COQ3: variants seen among roughly 807,000 people sequenced by gnomAD.
COQ3 encodes coenzyme Q3, methyltransferase, also known as ubiquinone biosynthesis O-methyltransferase, mitochondrial.
COQ3 carries 29 observed loss-of-function variants against 33.1 expected under a neutral mutation model. That is an observed-to-expected ratio of 0.88 (90% confidence interval 0.65 to 1.19). The LOEUF (loss-of-function observed/expected upper bound fraction) is 1.19. COQ3 is among the 50% of genes most tolerant of loss of function. The probability of loss-of-function intolerance (pLI) is 0.00; values close to 1 mark genes in which losing one functional copy is unlikely to be tolerated. For missense variants in COQ3, 437 were observed against 430.7 expected, an observed-to-expected ratio of 1.01 and a Z score of -0.13; for synonymous variants, 173 against 157.8, an observed-to-expected ratio of 1.10 and a Z score of -0.72.
chr6:99,392,378 A>G (rs1221983274), intron 1 of COQ3, among the ~76,000 whole-genome samples: 2 of 152,216 alleles, frequency 1.3e-5, no homozygotes, highest in East Asian at 1.9e-4. Flanking sequence ...GCCAAGTGTT[A>G]TTTCTTAAAC....
At chr6:99,375,833 T>C (rs765874643) in intron 5 of COQ3, 107 bp downstream of exon 5, 6 of 1,213,052 alleles carry the variant, frequency 4.9e-6, no homozygotes, top group Admixed American at 1.9e-5. Context: ...TTCTCTACTA[T>C]ACCTTGCCTG....
intron 6 of COQ3, 59 bp downstream of exon 6, chr6:99,371,369 T>C (rs373391087): frequency 1.8e-6 from 2 of 1,110,538 alleles, no homozygotes; most frequent in East Asian, 2.5e-5. Context: ...TAATAATTAC[T>C]GGCATATTAA....
In COQ3 at chr6:99,394,055, C is replaced by T. The variant is rs150351829; in HGVS notation, c.106+19G>A. 4.4e-5 allele frequency: 71 copies of T among 1,601,116 alleles called. No homozygotes were observed. In the East Asian group the frequency reaches 1.0e-3, roughly 24 times the overall value. On this transcript the variant is annotated intron_variant, in intron 1 of 6. Transcript: ENST00000254759. The stretch of plus-strand genomic sequence containing the variant: ...CTCGCAATTGACTGCATGCGAAGGA[C>T]CTCCGCACACACACTCACCCGCCGA...
Position 99,383,742 on chromosome 6 carries a change from G to T in COQ3, c.189C>A (p.Ser63=), listed in dbSNP as rs1774537940. ...FNEYRTIWFK[S]YRTIFSCLNR... Reference sequence around the variant, plus strand: ...TCAAACAGGAAAAGATCGTCCTGTAGGATTTGAACCATATGGTTCTGTATT... The same window carrying T: ...TCAAACAGGAAAAGATCGTCCTGTATGATTTGAACCATATGGTTCTGTATT... The change falls in exon 2 of 7, where the codon TCC becomes TCA. Residue 63 remains serine (S), a synonymous_variant. Transcript: ENST00000254759. The T allele has an allele frequency of 6.2e-7, 1 of 1,605,488 alleles. No homozygotes were observed. Among genetic ancestry groups the T allele is most frequent in the South Asian group, 1.1e-5 (1 of 88,870 alleles).
chr6:99,374,510 T>G (rs1362748645), intron 5 of COQ3, among the ~76,000 whole-genome samples: 1 of 152,222 alleles, frequency 6.6e-6, no homozygotes, highest in African/African-American at 2.4e-5. Context: ...ATAAGAGCTA[T>G]GCATTTCATT....
intron 2 of COQ3, 33 bp downstream of exon 2, chr6:99,383,665 C>A: frequency 6.7e-7 from 1 of 1,497,684 alleles, no homozygotes; most frequent in Admixed American, 2.2e-5. Flanking sequence ...CATATAATTA[C>A]GTGAATATTT....
At chr6:99,390,265 T>A (rs887796198) in intron 1 of COQ3, among the ~76,000 whole-genome samples, 2 of 152,176 alleles carry the variant, frequency 1.3e-5, no homozygotes, top group African/African-American at 2.4e-5. Flanking sequence ...ACCAATTTAC[T>A]ATCCTATCGG....
At chr6:99,387,419 C>T (rs1045161101) in intron 1 of COQ3, among the ~76,000 whole-genome samples, 1 of 152,092 alleles carries the variant, frequency 6.6e-6, no homozygotes, top group East Asian at 1.9e-4. Context: ...CCGCTGCACT[C>T]CAGCCTAGGG....
In COQ3 at chr6:99,371,435, C is replaced by T; in HGVS notation, c.882G>A (p.Leu294=). The T allele has an allele frequency of 5.1e-6, 8 of 1,579,398 alleles. No homozygotes were observed. The highest frequency in any genetic ancestry group is 6.8e-6 in the Non-Finnish European group (8 of 1,169,832). ...AATTCTCTTAATACTTACTTGATTC[C>T]AGAATGCTCTCTAGTGTTTCAGGTG... The part of the protein sequence containing the change: ...FVSPETLESI[L]ESNGLSVQTV... Residue 294 remains leucine, a synonymous_variant, in exon 6 of 7, where the codon CTG becomes CTA. Transcript: ENST00000254759.
Position 99,375,959 on chromosome 6 carries a change from C to T in COQ3, c.710G>A (p.Cys237Tyr). The T allele has an allele frequency of 6.2e-7, 1 of 1,614,020 alleles. No individual in the cohort carries two copies. Among genetic ancestry groups the T allele is most frequent in the Non-Finnish European group, 8.5e-7 (1 of 1,180,012 alleles). The change falls in exon 5 of 7, where the codon TGC (cysteine) becomes TAC (tyrosine). Residue 237 changes from cysteine to tyrosine, a missense_variant. Physicochemically the swap from Cys to Tyr is radical, Grantham distance 194. Coordinates refer to ENST00000254759, the MANE Select transcript of COQ3 (RefSeq NM_017421.4). ...HVIDLETFLQ[C>Y]CCQVLKPGGS... ...CCTTACTTTTAACACTTGACAGCAG[C>T]ACTGTAAAAATGTTTCTAGATCAAT... is the stretch of plus-strand genomic sequence containing the variant.
At chr6:99,372,175 G>A (rs906496111) in intron 5 of COQ3, among the ~76,000 whole-genome samples, 11 of 152,122 alleles carry the variant, frequency 7.2e-5, no homozygotes, top group Admixed American at 4.6e-4. Context: ...AGGCTAAGGC[G>A]GGCAGATCAC....
chr6:99,379,262 T>C (rs1774399394), intron 3 of COQ3, among the ~76,000 whole-genome samples: 1 of 152,194 alleles, frequency 6.6e-6, no homozygotes, highest in Admixed American at 6.5e-5. Flanking sequence ...AAAAATATTT[T>C]TAAAGGGATA....
In COQ3 at chr6:99,383,711, T is replaced by C. The variant is rs1052178319; in HGVS notation, c.220A>G (p.Ile74Val). The C allele has an allele frequency of 4.4e-6, 7 of 1,587,800 alleles. No individual in the cohort carries two copies. In the African/African-American group the frequency reaches 5.5e-5, roughly 12 times the overall value. Reference sequence around the variant, plus strand: ...TAATAAACCCACCTGAAACTCTTTATTCTGTTCAAACAGGAAAAGATCGTC... The same window carrying C: ...TAATAAACCCACCTGAAACTCTTTACTCTGTTCAAACAGGAAAAGATCGTC... ...YRTIFSCLNR[I>V]KSFRYPWARL... Residue 74 changes from isoleucine to valine, a missense_variant, in exon 2 of 7, where the codon ATA becomes GTA. Ile to Val is a conservative substitution (Grantham distance 29). Coordinates refer to ENST00000254759, the MANE Select transcript of COQ3 (RefSeq NM_017421.4).
intron 1 of COQ3, 131 bp downstream of exon 1, chr6:99,393,943 C>T (rs1378526920): frequency 4.2e-6 from 3 of 721,722 alleles, no homozygotes; most frequent in Non-Finnish European, 7.1e-6. Context: ...GGGGCCAGGA[C>T]CAAGCCTTAG....
rs1388010949 is a variant in COQ3 at position 99,369,816 on chromosome 6, A to T, written c.894T>A (p.Gly298=). 1 of 1,558,946 alleles carries T rather than the reference A, an allele frequency of 6.4e-7. No individual in the cohort carries two copies. The highest frequency in any genetic ancestry group is 8.7e-7 in the Non-Finnish European group (1 of 1,150,794). The change falls in exon 7 of 7, where the codon GGT becomes GGA. Residue 298 remains glycine (G), a synonymous_variant. Transcript: ENST00000254759. ...ETLESILESN[G]LSVQTVVGML... The stretch of plus-strand genomic sequence containing the variant: ...TTCCTACCACTGTTTGAACTGACAG[A>T]CCATCTGAAAAAAAAAAAAATCAGA...
chr6:99,392,491 G>A (rs1774858879), intron 1 of COQ3, among the ~76,000 whole-genome samples: 1 of 152,124 alleles, frequency 6.6e-6, no homozygotes, highest in Admixed American at 6.5e-5. Context: ...TGGCCAAAAA[G>A]GCCTCTTCCT....
intron 1 of COQ3, among the ~76,000 whole-genome samples, 160 bp downstream of exon 1, chr6:99,393,914 G>A (rs762041791): frequency 5.9e-5 from 9 of 152,214 alleles, no homozygotes; most frequent in Non-Finnish European, 8.8e-5. Context: ...ACTATGCGAG[G>A]TTTACAATGG....
rs113194596 is a variant in COQ3, at chr6:99,372,423, C to T, written c.730-836G>A. Among the ~76,000 whole-genome samples, 1,482 of 151,900 alleles carry T rather than the reference C, an allele frequency of 9.8e-3. 21 individuals carry two copies. Among genetic ancestry groups the T allele is most frequent in the African/African-American group, 0.033 (1,362 of 41,436 alleles). On this transcript the variant is annotated intron_variant, in intron 5 of 6. Coordinates refer to ENST00000254759, the MANE Select transcript of COQ3 (RefSeq NM_017421.4). ...AGGATTTATAGGACTATTCAGTGTG[C>T]CAGTTTATCTTTGAGACACAGTCTT... is the stretch of plus-strand genomic sequence containing the variant.
At chr6:99,372,061 T>C (rs1774158232) in intron 5 of COQ3, among the ~76,000 whole-genome samples, 1 of 152,196 alleles carries the variant, frequency 6.6e-6, no homozygotes, top group Non-Finnish European at 1.5e-5. Flanking sequence ...ACTAAAACAT[T>C]AATGATTAGG....
Sources: allele counts gnomAD v4.1 joint callset (sites outside exome capture counted in the v4.1 genomes callset), GRCh38; gene constraint gnomAD v4.1.1; transcripts MANE v1.5; gene names NCBI Gene and HGNC (gene_info 2026-07-23, HGNC 2026-07-21).